Variants in TMEM161B observed in about 807,000 individuals in gnomAD.
TMEM161B encodes the protein transmembrane protein 161B.
TMEM161B carries 34 observed loss-of-function variants against 61.8 expected under a neutral mutation model. The ratio of observed to expected loss-of-function variants is 0.55; its 90% CI spans 0.42 to 0.73. The LOEUF (loss-of-function observed/expected upper bound fraction) is 0.73. Among genes scored for constraint, TMEM161B ranks in the 30% least tolerant of loss-of-function variants. TMEM161B has a pLI of 0.00. For missense variants in TMEM161B, 456 were observed against 558.5 expected, an observed-to-expected ratio of 0.82 and a Z score of 1.85; for synonymous variants, 167 against 192.8, an observed-to-expected ratio of 0.87 and a Z score of 1.11.
intron 5 of TMEM161B, among the ~76,000 whole-genome samples, chr5:88,208,267 A>T (rs969329041): frequency 8.0e-5 from 12 of 149,670 alleles, no homozygotes; most frequent in Non-Finnish European, 1.6e-4. Flanking sequence ...CTGGATCACG[A>T]GGTCAGGAGA....
chr5:88,211,211 G>T (rs533238040), intron 5 of TMEM161B, among the ~76,000 whole-genome samples: 27 of 151,906 alleles, frequency 1.8e-4, no homozygotes, highest in African/African-American at 5.3e-4. Flanking sequence ...AAAAAGAGAT[G>T]ACAGACACAG....
chr5:88,190,013 G>T lies in TMEM161B; in HGVS notation c.*39C>A, dbSNP rs561291509. ...CCACAAACGCCAGCCCATTATCTGAGCCGATCCGTAAGGGCAGTCCAAATC... is the reference window on the plus strand; with the variant it reads ...CCACAAACGCCAGCCCATTATCTGATCCGATCCGTAAGGGCAGTCCAAATC... On this transcript the variant is annotated 3_prime_UTR_variant, in exon 13 of 13. Transcript: ENST00000514135. 6 of 699,062 alleles carry T rather than the reference G, an allele frequency of 8.6e-6. No individual in the cohort carries two copies. In the Admixed American group the frequency reaches 1.2e-4, roughly 14 times the overall value. The allele number at this position is 699,062 out of a possible 1,614,324, so 43.3% of individuals were successfully genotyped here.
intron 7 of TMEM161B, 73 bp from the exon 8 acceptor site, chr5:88,206,027 CAATT>C: frequency 8.5e-7 from 1 of 1,170,940 alleles, no homozygotes; most frequent in Non-Finnish European, 1.2e-6. Context: ...TTCTTCTAAT[CAATT>C]ATCTTACAAA....
At chr5:88,210,928 C>G (rs1464889657) in intron 5 of TMEM161B, among the ~76,000 whole-genome samples, 1 of 151,976 alleles carries the variant, frequency 6.6e-6, no homozygotes, top group East Asian at 1.9e-4. Context: ...TATGAAAGAC[C>G]AGATAGTAAA....
At chr5:88,231,738 C>T (rs990988789) in intron 2 of TMEM161B, among the ~76,000 whole-genome samples, 15 of 152,250 alleles carry the variant, frequency 9.9e-5, no homozygotes, top group Admixed American at 5.9e-4. Context: ...TCTCGTTATT[C>T]GCGGTAGTTA....
At position 88,195,860 on chromosome 5, in the gene TMEM161B, A is replaced by G; in HGVS notation, c.*351T>C. 9.7e-7 allele frequency: 1 copy of G among 1,029,992 alleles called. No individual in the cohort carries two copies. The highest frequency in any genetic ancestry group is 1.7e-5 in the African/African-American group (1 of 57,884). 63.8% of individuals were successfully genotyped at this position (1,029,992 alleles called of 1,614,324 possible). A position where few individuals can be genotyped will look rare whatever the true frequency, so the allele number is the denominator to read the frequency against. On this transcript the variant is annotated 3_prime_UTR_variant, in exon 12 of 12. Coordinates refer to ENST00000296595, the MANE Select transcript of TMEM161B (RefSeq NM_153354.5). ...CTATCAACAGTACCATAAAACCATT[A>G]AAAGCAATCAATAACTAGAGTCATG...
chr5:88,240,558 T>C (rs1012425310), intron 2 of TMEM161B, among the ~76,000 whole-genome samples: 2 of 151,644 alleles, frequency 1.3e-5, no homozygotes, highest in African/African-American at 2.4e-5. Context: ...GAAGCTATAA[T>C]GAGGCAATCC....
At position 88,263,422 on chromosome 5, in the gene TMEM161B, G is replaced by A. The variant is rs190571181; in HGVS notation, c.3+5299C>T. ...ATACAGATGGTGAATAAAAACAAAT[G>A]AATGATTTAAGAACTTTTTTTAAAG... On this transcript the variant is annotated intron_variant, in intron 1 of 11. Transcript: ENST00000296595. Among the ~76,000 whole-genome samples the A allele has an allele frequency of 3.3e-4, 51 of 152,268 alleles. No homozygotes were observed. The South Asian group carries it at 7.7e-3, about 23-fold the overall frequency.
intron 1 of TMEM161B, 47 bp downstream of exon 1, chr5:88,268,648 TCTTTTCACAGTACTGACCTCCCCGCC>T (rs1272798408): frequency 1.2e-6 from 2 of 1,605,840 alleles, no homozygotes; most frequent in African/African-American, 1.3e-5. Flanking sequence ...ACCTGATGGC[TCTTTTCACAGTACTGACCTCCCCGCC>T]CTTTTCGCCC....
intron 1 of TMEM161B, among the ~76,000 whole-genome samples, chr5:88,266,990 T>G (rs1756458766): frequency 6.6e-6 from 1 of 152,246 alleles, no homozygotes; most frequent in Admixed American, 6.5e-5. Flanking sequence ...AGGATTCTAC[T>G]TCTAGTATTC....
intron 1 of TMEM161B, among the ~76,000 whole-genome samples, chr5:88,254,654 T>C (rs111743836): frequency 1.1e-4 from 16 of 152,048 alleles, no homozygotes; most frequent in African/African-American, 3.6e-4. Context: ...CTGGGCAACA[T>C]AGCGAGACAC....
intron 9 of TMEM161B, chr5:88,201,708 T>A (rs1744439393): frequency 6.6e-6 from 1 of 152,384 alleles, no homozygotes; most frequent in Non-Finnish European, 1.5e-5. Context: ...GTAGTTTCTC[T>A]GAGACTTTTC....
chr5:88,202,903 A>G, intron 9 of TMEM161B, 59 bp downstream of exon 9: 1 of 1,100,860 alleles, frequency 9.1e-7, no homozygotes, highest in Non-Finnish European at 1.4e-6. Flanking sequence ...AATACAGTAA[A>G]TAACATTTAG....
intron 4 of TMEM161B, 76 bp downstream of exon 4, chr5:88,225,693 G>A (rs1749942550): frequency 2.2e-6 from 2 of 907,272 alleles, no homozygotes; most frequent in African/African-American, 1.7e-5. Flanking sequence ...TGGACTTAAT[G>A]ATTAAAATGA....
intron 2 of TMEM161B, among the ~76,000 whole-genome samples, chr5:88,233,120 A>T (rs915752135): frequency 1.3e-5 from 2 of 152,230 alleles, no homozygotes; most frequent in African/African-American, 4.8e-5. Flanking sequence ...TTCTGTATTC[A>T]GATACTCTGC....
chr5:88,229,826 T>TCCTC (rs960168601), intron 2 of TMEM161B, among the ~76,000 whole-genome samples: 1 of 151,520 alleles, frequency 6.6e-6, no homozygotes, highest in Non-Finnish European at 1.5e-5. Flanking sequence ...CTTCAAAGGA[T>TCCTC]CCTCCCTCCT....
rs764112016 is a variant in TMEM161B at position 88,220,727 on chromosome 5, GAAAAAAAAAAAAAA to G, written c.290-22_290-9del. 1.7e-5 allele frequency: 10 copies of G among 602,802 alleles called. No homozygotes were observed. Among genetic ancestry groups the G allele is most frequent in the Middle Eastern group, 1.4e-3 (2 of 1,420 alleles). The allele number at this position is 602,802 out of a possible 1,614,324, so 37.3% of individuals were successfully genotyped here. ...CTGGAAAGTAATGCAATGCTGGAAAGAAAAAAAAAAAAAAAAAAAAAAAAGGTCAAAAAAAACAG... is the reference window on the plus strand; with the variant it reads ...CTGGAAAGTAATGCAATGCTGGAAAGAAAAAAAAAAGGTCAAAAAAAACAG... On this transcript the variant is annotated splice_polypyrimidine_tract_variant and intron_variant, in intron 4 of 11. Transcript: ENST00000296595.
At chr5:88,230,197 AAAAC>A (rs1192779523) in intron 2 of TMEM161B, among the ~76,000 whole-genome samples, 37 of 152,248 alleles carry the variant, frequency 2.4e-4, no homozygotes, top group African/African-American at 8.4e-4. Context: ...AAAACAAAAC[AAAAC>A]AAACAAACAA....
chr5:88,197,646 C>T (rs1749902226), intron 11 of TMEM161B, 23 bp downstream of exon 11: 1 of 1,584,004 alleles, frequency 6.3e-7, no homozygotes, highest in Non-Finnish European at 8.6e-7. Flanking sequence ...AAAGATGCTT[C>T]CTAGTTGCCA....
Sources: allele counts gnomAD v4.1 joint callset (sites outside exome capture counted in the v4.1 genomes callset), GRCh38; gene constraint gnomAD v4.1.1; transcripts MANE v1.5; gene names NCBI Gene and HGNC (gene_info 2026-07-23, HGNC 2026-07-21).